Variants in TMEM9 observed in about 807,000 individuals in gnomAD.
The protein encoded by TMEM9 is proton-transporting V-type ATPase complex assembly regulator TMEM9.
Under a neutral mutation model 22.8 loss-of-function variants are expected in TMEM9, and 13 were observed. The observed-to-expected ratio is 0.57, with a 90% CI of 0.37 to 0.91. The LOEUF is 0.91. Among genes scored for constraint, TMEM9 ranks in the 40% least tolerant of loss-of-function variants. TMEM9 has a pLI of 0.01. For missense variants in TMEM9, 182 were observed against 238.1 expected (o/e 0.76, Z 1.55); for synonymous variants, 88 against 93.0 (o/e 0.95, Z 0.31).
At chr1:201,137,311 C>T (rs1256074757) in intron 4 of TMEM9, among the ~76,000 whole-genome samples, 6 of 152,184 alleles carry the variant, frequency 3.9e-5, no homozygotes, top group Non-Finnish European at 8.8e-5. Flanking sequence ...AGATCCACAG[C>T]GGGGGCTGGG....
chr1:201,157,490 A>G (rs1558119601), upstream of TMEM9, among the ~76,000 whole-genome samples: 1 of 152,226 alleles, frequency 6.6e-6, no homozygotes, highest in African/African-American at 2.4e-5. Context: ...TCTGTGTTAG[A>G]AAAGAAATGA....
chr1:201,141,386 A>G (rs1438475290), intron 4 of TMEM9, among the ~76,000 whole-genome samples: 2 of 152,184 alleles, frequency 1.3e-5, no homozygotes, highest in Non-Finnish European at 2.9e-5. Context: ...GACATCTGTG[A>G]CCTGGAGACC....
chr1:201,146,662 A>G (rs773064703), intron 3 of TMEM9, 78 bp downstream of exon 3: 1 of 1,435,292 alleles, frequency 7.0e-7, no homozygotes, highest in East Asian at 2.3e-5. Context: ...TAAAGTGAAA[A>G]ACTGTGGGTG....
At chr1:201,145,967 A>C (rs1664922883) in intron 3 of TMEM9, among the ~76,000 whole-genome samples, 1 of 152,218 alleles carries the variant, frequency 6.6e-6, no homozygotes, top group Admixed American at 6.5e-5. Context: ...GTCTCTAAAA[A>C]ACAAACAAAA....
intron 1 of TMEM9, among the ~76,000 whole-genome samples, chr1:201,152,158 ATGGGTG>A (rs1313317039): frequency 1.9e-5 from 2 of 103,374 alleles, no homozygotes; most frequent in Non-Finnish European, 3.7e-5. Flanking sequence ...ATGAGGGGAA[ATGGGTG>A]TGTGTGTGTG....
rs139750324 is a variant in TMEM9, at chr1:201,153,485, A to G, written c.66+373T>C. On this transcript the variant is annotated intron_variant, in intron 1 of 4. Transcript: ENST00000367330. ...TTTAGACTTAGGTCCCCTCCCCAAGATAGCTCATTTTTTATGTGCAAATAC... is the reference window on the plus strand; with the variant it reads ...TTTAGACTTAGGTCCCCTCCCCAAGGTAGCTCATTTTTTATGTGCAAATAC... 2.2e-3 allele frequency among the ~76,000 whole-genome samples: 340 copies of G among 152,346 alleles called. 4 individuals are homozygous for G. The highest frequency in any genetic ancestry group is 1.4e-3 in the Non-Finnish European group (92 of 68,020).
upstream of TMEM9, among the ~76,000 whole-genome samples, chr1:201,159,227 C>G (rs1665881000): frequency 6.6e-6 from 1 of 152,244 alleles, no homozygotes; most frequent in Admixed American, 6.5e-5. Flanking sequence ...TGACCCACCT[C>G]TTATAGGACA....
At chr1:201,153,828 G>T in intron 1 of TMEM9, 30 bp downstream of exon 1, 1 of 1,613,728 alleles carries the variant, frequency 6.2e-7, no homozygotes, top group South Asian at 1.1e-5. Context: ...CTGTGGTCGT[G>T]ACCAGGTGCT....
In TMEM9 at chr1:201,153,928, A is replaced by G. The variant is rs756806770; in HGVS notation, c.-5T>C. On this transcript the variant is annotated 5_prime_UTR_variant, in exon 1 of 5. Coordinates refer to ENST00000367330, the MANE Select transcript of TMEM9 (RefSeq NM_001288565.2). Reference sequence around the variant, plus strand: ...CACCAAAGATAAGAGCTTCATGCTTATCAGGCTTGCTGGGCCAGCAAAGCC... The same window carrying G: ...CACCAAAGATAAGAGCTTCATGCTTGTCAGGCTTGCTGGGCCAGCAAAGCC... 6.2e-7 allele frequency: 1 copy of G among 1,608,178 alleles called. No homozygotes were observed. Among genetic ancestry groups the G allele is most frequent in the South Asian group, 1.1e-5 (1 of 90,528 alleles).
intron 1 of TMEM9, among the ~76,000 whole-genome samples, chr1:201,165,179 TTCATTATCATGAGGGTA>T (rs1666042954): frequency 7.1e-6 from 1 of 141,332 alleles, no homozygotes; most frequent in African/African-American, 2.6e-5. Flanking sequence ...TATATATATA[TTCATTATCATGAGGGTA>T]ATATTTAGGA....
Position 201,154,098 on chromosome 1 carries a change from G to A in TMEM9, c.-175C>T, listed in dbSNP as rs948582728. The A allele has an allele frequency of 2.3e-4, 165 of 718,116 alleles. 2 individuals are homozygous for A. The highest frequency in any genetic ancestry group is 2.3e-3 in the South Asian group (116 of 51,500). The allele number at this position is 718,116 out of a possible 1,614,324, so 44.5% of individuals were successfully genotyped here. On this transcript the variant is annotated 5_prime_UTR_variant, in exon 1 of 5. Transcript: ENST00000367330. ...ATTCCAAGGCCTGCTAAACCTGGTC[G>A]CCAAACCCTGCTTCCCTCCCGCCCA...
At chr1:201,155,679 G>A (rs914376432), upstream of TMEM9, among the ~76,000 whole-genome samples, 2 of 152,162 alleles carry the variant, frequency 1.3e-5, no homozygotes, top group African/African-American at 4.8e-5. Flanking sequence ...ACCAGGGCAG[G>A]AATCCTGGTT....
At chr1:201,135,960 G>A (rs1287010638) in intron 4 of TMEM9, 145 bp from the exon 5 acceptor site, 1 of 794,104 alleles carries the variant, frequency 1.3e-6, no homozygotes, top group Non-Finnish European at 1.9e-6. Flanking sequence ...GCTGCAGGCT[G>A]AGGACCTTGC....
chr1:201,169,761 T>G (rs1666168767), intron 1 of TMEM9, among the ~76,000 whole-genome samples: 1 of 152,104 alleles, frequency 6.6e-6, no homozygotes, highest in African/African-American at 2.4e-5. Flanking sequence ...AGATGAAAAG[T>G]TTGATGAATG....
upstream of TMEM9, among the ~76,000 whole-genome samples, chr1:201,155,423 G>A (rs1665758839): frequency 6.6e-6 from 1 of 152,216 alleles, no homozygotes; most frequent in Admixed American, 6.5e-5. Context: ...CAAGCCCCTC[G>A]CAGGCCCTGT....
chr1:201,139,694 T>C lies in TMEM9; in HGVS notation c.400-3879A>G, dbSNP rs147929812. Among the ~76,000 whole-genome samples the C allele has an allele frequency of 1.2e-3, 190 of 152,338 alleles. No homozygotes were observed. The Middle Eastern group carries it at 0.027, about 22-fold the overall frequency. Reference sequence around the variant, plus strand: ...CCCTCAGGCTTCCCTCCAGCAATCATGATGCTACTTAAGTATTAACACCTG... The same window carrying C: ...CCCTCAGGCTTCCCTCCAGCAATCACGATGCTACTTAAGTATTAACACCTG... On this transcript the variant is annotated intron_variant, in intron 4 of 4. Coordinates refer to ENST00000367330, the MANE Select transcript of TMEM9 (RefSeq NM_001288565.2).
chr1:201,156,637 C>T (rs1035457426), upstream of TMEM9, among the ~76,000 whole-genome samples: 5 of 152,216 alleles, frequency 3.3e-5, no homozygotes, highest in African/African-American at 9.7e-5. Flanking sequence ...TTATTCAAAT[C>T]TTTGCCCAAG....
upstream of TMEM9, among the ~76,000 whole-genome samples, chr1:201,158,680 C>G (rs1398639740): frequency 6.6e-6 from 1 of 152,132 alleles, no homozygotes; most frequent in East Asian, 1.9e-4. Flanking sequence ...GCAGTGCACT[C>G]TCCCCAGCAG....
At chr1:201,136,523 G>A (rs925649379) in intron 4 of TMEM9, among the ~76,000 whole-genome samples, 13 of 152,144 alleles carry the variant, frequency 8.5e-5, no homozygotes, top group East Asian at 1.9e-4. Flanking sequence ...ATTCAGAGCC[G>A]CCCCAGCATT....
Sources: allele counts gnomAD v4.1 joint callset (sites outside exome capture counted in the v4.1 genomes callset), GRCh38; gene constraint gnomAD v4.1.1; transcripts MANE v1.5; gene names NCBI Gene and HGNC (gene_info 2026-07-23, HGNC 2026-07-21).